Variants in COPB1 observed in about 807,000 individuals in gnomAD.
The protein encoded by COPB1 is coat protein complex I subunit beta 1.
A neutral mutation model predicts 108.7 loss-of-function variants in COPB1; 21 were observed. That is an observed-to-expected ratio of 0.19 (90% CI 0.14 to 0.28). The LOEUF (loss-of-function observed/expected upper bound fraction) is 0.28. Ranked by LOEUF, COPB1 falls within the 10% of genes least tolerant of loss-of-function variation. The probability of loss-of-function intolerance (pLI) is 1.00; values close to 1 mark genes in which losing one functional copy is unlikely to be tolerated. For synonymous variants in COPB1, 378 were observed against 386.8 expected (o/e 0.98, Z 0.27); for missense variants, 919 against 1,141.3 (o/e 0.81, Z 2.81).
At chr11:14,487,097 T>G (rs1334459960) in intron 6 of COPB1, among the ~76,000 whole-genome samples, 1 of 152,234 alleles carries the variant, frequency 6.6e-6, no homozygotes, top group Non-Finnish European at 1.5e-5. Context: ...TACTTATTAT[T>G]TGAGACTATA....
intron 2 of COPB1, chr11:14,494,713 G>A (rs1850979081): frequency 3.2e-6 from 1 of 308,234 alleles, no homozygotes; most frequent in Non-Finnish European, 5.9e-6. Flanking sequence ...TTGAGTTAAT[G>A]CAGGCTCCAT....
At chr11:14,497,599 A>C (rs1244895627) in intron 2 of COPB1, among the ~76,000 whole-genome samples, 1 of 152,202 alleles carries the variant, frequency 6.6e-6, no homozygotes, top group Admixed American at 6.5e-5. Context: ...GTGGGAATGT[A>C]AACTAGTATA....
intron 2 of COPB1, among the ~76,000 whole-genome samples, chr11:14,496,481 GAATT>G (rs897407740): frequency 1.3e-4 from 20 of 151,854 alleles, no homozygotes; most frequent in African/African-American, 4.8e-4. Context: ...AGATACCTAG[GAATT>G]AATTTAACCA....
At chr11:14,474,688 T>C (rs1343259407) in intron 13 of COPB1, 73 bp from the exon 14 acceptor site, 1 of 1,578,094 alleles carries the variant, frequency 6.3e-7, no homozygotes. Flanking sequence ...AAATGAATGA[T>C]ATAGGCCTAT....
chr11:14,485,490 A>C (rs1009060660), intron 7 of COPB1, among the ~76,000 whole-genome samples: 1 of 152,160 alleles, frequency 6.6e-6, no homozygotes, highest in Non-Finnish European at 1.5e-5. Context: ...TTGACTCCCC[A>C]AAAACTTAAC....
At chr11:14,469,589 T>C in intron 14 of COPB1, 26 bp from the exon 15 acceptor site, 1 of 1,574,168 alleles carries the variant, frequency 6.4e-7, no homozygotes, top group Admixed American at 1.7e-5. Context: ...AATCGGTTAC[T>C]GATATTGTCT....
Position 14,480,871 on chromosome 11 carries a change from G to T in COPB1, c.1100C>A (p.Thr367Lys). Residue 367 changes from threonine (T) to lysine (K), a missense_variant, in exon 10 of 22, where the codon ACA becomes AAA. By Grantham distance (78) the Thr-to-Lys change is moderately conservative (BLOSUM62 -1). Around this residue, in one of 5 missense-constraint regions of COPB1, gnomAD observed 705 missense variants for 817.8 expected, o/e 0.86. Coordinates refer to ENST00000439561, the MANE Select transcript of COPB1 (RefSeq NM_001144061.2). ...VIVLKKEVIK[T>K]NNVSEHEDTD... ...ATCTTCATGCTCAGACACATTATTT[G>T]TTTTTATCACTTCCTTCTTCAGGAC... 1 of 1,613,900 alleles carries T rather than the reference G, an allele frequency of 6.2e-7. No homozygotes were observed. The highest frequency in any genetic ancestry group is 1.3e-5 in the African/African-American group (1 of 75,022).
chr11:14,458,507 C>T, intron 21 of COPB1, 25 bp downstream of exon 21: 1 of 1,592,970 alleles, frequency 6.3e-7, no homozygotes, highest in Non-Finnish European at 8.5e-7. Flanking sequence ...TCCAGAGATA[C>T]TCTCAAAAAA....
Position 14,466,295 on chromosome 11 carries a change from T to C in COPB1, c.2277A>G (p.Glu759=). The C allele has an allele frequency of 1.9e-6, 3 of 1,613,370 alleles. No homozygotes were observed. The highest frequency in any genetic ancestry group is 1.7e-6 in the Non-Finnish European group (2 of 1,179,674). Residue 759 remains glutamate (E), a synonymous_variant, in exon 17 of 22, where the codon GAA becomes GAG. Coordinates refer to ENST00000439561, the MANE Select transcript of COPB1 (RefSeq NM_001144061.2). ...AAGTTTCCTCACCTAGTGTAGCTAGTTCTAATGTGCAATTCTGCAAAGTAT... is the reference window on the plus strand; with the variant it reads ...AAGTTTCCTCACCTAGTGTAGCTAGCTCTAATGTGCAATTCTGCAAAGTAT... ...TSDTLQNCTL[E]LATLGDLKLV...
intron 17 of COPB1, among the ~76,000 whole-genome samples, chr11:14,465,851 GAA>G (rs56852697): frequency 2.0e-5 from 3 of 151,544 alleles, no homozygotes; most frequent in African/African-American, 7.3e-5. Flanking sequence ...TCTTTACTAA[GAA>G]AAAAAAATGC....
intron 2 of COPB1, among the ~76,000 whole-genome samples, chr11:14,495,913 A>C (rs117688972): frequency 0.014 from 2,125 of 152,316 alleles, 24 homozygotes; most frequent in Non-Finnish European, 0.024. Flanking sequence ...TCCTACATGA[A>C]CATGAAAAAA....
chr11:14,487,458 C>T (rs1220521371), intron 6 of COPB1, among the ~76,000 whole-genome samples: 1 of 151,992 alleles, frequency 6.6e-6, no homozygotes, highest in Admixed American at 6.6e-5. Flanking sequence ...GGGCAGATCA[C>T]GAGGTCAGGA....
chr11:14,495,680 G>C (rs369857560), intron 2 of COPB1, among the ~76,000 whole-genome samples: 1 of 152,088 alleles, frequency 6.6e-6, no homozygotes, highest in South Asian at 2.1e-4. Context: ...CTTCTTAATG[G>C]CAAAAATATA....
chr11:14,460,957 C>A (rs564607959), intron 19 of COPB1, among the ~76,000 whole-genome samples: 1 of 142,170 alleles, frequency 7.0e-6, no homozygotes, highest in South Asian at 2.1e-4. Context: ...AATGTCTAAA[C>A]CTATCAGATT....
chr11:14,474,334 C>T (rs1264861758), intron 14 of COPB1, 161 bp downstream of exon 14: 2 of 513,632 alleles, frequency 3.9e-6, no homozygotes, highest in South Asian at 3.8e-5. Context: ...GATACTTTAT[C>T]AATTTTAGAG....
chr11:14,491,974 C>A (rs1361766369), intron 4 of COPB1, among the ~76,000 whole-genome samples: 4 of 152,182 alleles, frequency 2.6e-5, no homozygotes, highest in Admixed American at 2.0e-4. Flanking sequence ...TGAACACTAG[C>A]TTAATAAAAT....
At chr11:14,495,613 C>T (rs1851001391) in intron 2 of COPB1, among the ~76,000 whole-genome samples, 2 of 152,204 alleles carry the variant, frequency 1.3e-5, no homozygotes, top group Non-Finnish European at 2.9e-5. Flanking sequence ...ATCCACCTGC[C>T]TCAGCTTCCC....
At chr11:14,488,402 A>T in intron 6 of COPB1, 90 bp downstream of exon 6, 1 of 625,248 alleles carries the variant, frequency 1.6e-6, no homozygotes, top group East Asian at 2.9e-5. Context: ...AAAATATATT[A>T]TCCTAGCAAT....
chr11:14,491,117 C>T (rs1361659127), intron 4 of COPB1, among the ~76,000 whole-genome samples: 2 of 151,824 alleles, frequency 1.3e-5, no homozygotes, highest in East Asian at 1.9e-4. Context: ...GTGATCTCGG[C>T]TTACTGCAAC....
Sources: allele counts gnomAD v4.1 joint callset (sites outside exome capture counted in the v4.1 genomes callset), GRCh38; gene constraint gnomAD v4.1.1; regional missense constraint gnomAD v4.1.1; transcripts MANE v1.5; gene names NCBI Gene and HGNC (gene_info 2026-07-23, HGNC 2026-07-21).